The following CCDC191 variants were observed in gnomAD, a reference collection of about 807,000 sequenced individuals.
The protein encoded by CCDC191 is coiled-coil domain containing 191.
Under a neutral mutation model 114.0 loss-of-function variants are expected in CCDC191, and 99 were observed. The observed-to-expected ratio is 0.87, with a 90% CI of 0.74 to 1.03. The LOEUF (loss-of-function observed/expected upper bound fraction) is 1.03, where lower values mean the gene tolerates loss of function less well. CCDC191 is among the 50% of genes least tolerant of loss of function. The pLI is 0.00. For synonymous variants in CCDC191, 351 were observed against 376.0 expected (o/e 0.93, Z 0.77); for missense variants, 973 against 1,087.0 (o/e 0.90, Z 1.47).
chr3:114,012,894 TA>T (rs1357857253), intron 8 of CCDC191, among the ~76,000 whole-genome samples: 1 of 151,348 alleles, frequency 6.6e-6, no homozygotes, highest in Admixed American at 6.6e-5. Flanking sequence ...AGAAAATGAG[TA>T]AAAAAATGCA....
rs1251346618 is a variant in CCDC191, at chr3:114,001,775, A to G, written c.2062-79T>C. On this transcript the variant is annotated intron_variant, in intron 12 of 16. Coordinates refer to ENST00000295878, the MANE Select transcript of CCDC191 (RefSeq NM_020817.2). ...TGATCTTTTATGTTTAGGATAGTCA[A>G]GCGTCTACCAAAGTGCCTGTCCTAT... 7.0e-6 allele frequency: 11 copies of G among 1,569,466 alleles called. No individual in the cohort carries two copies. The East Asian group carries it at 1.8e-4, about 26-fold the overall frequency.
chr3:113,980,604 G>A (rs1192240966), intron 14 of CCDC191, 46 bp downstream of exon 14: 1 of 1,512,650 alleles, frequency 6.6e-7, no homozygotes, highest in Admixed American at 2.6e-5. Flanking sequence ...ATCCTATTTG[G>A]AAAAGTCCAT....
Position 114,006,619 on chromosome 3 carries a change from A to AAAAAT in CCDC191, c.1414-658_1414-657insATTTT, listed in dbSNP as rs1160832038. The stretch of plus-strand genomic sequence containing the variant: ...ATATATATATATATATATATATATA[A>AAAAAT]ATATATATATTTTATATATAAAAAA... On this transcript the variant is annotated intron_variant, in intron 9 of 16. Coordinates refer to ENST00000295878, the MANE Select transcript of CCDC191 (RefSeq NM_020817.2). 1.3e-4 allele frequency among the ~76,000 whole-genome samples: 12 copies of AAAAAT among 92,522 alleles called. 1 individual carries two copies. Among genetic ancestry groups the AAAAAT allele is most frequent in the African/African-American group, 5.0e-4 (12 of 23,918 alleles). 60.7% of individuals were successfully genotyped at this position (92,522 alleles called of 152,430 possible). A position where few individuals can be genotyped will look rare whatever the true frequency, so the allele number is the denominator to read the frequency against.
At chr3:113,994,315 A>G (rs751140163) in intron 13 of CCDC191, among the ~76,000 whole-genome samples, 3 of 152,200 alleles carry the variant, frequency 2.0e-5, no homozygotes, top group Non-Finnish European at 4.4e-5. Context: ...GTTGTTAGGG[A>G]AACGCAAATA....
At chr3:114,012,467 A>T (rs1459583660) in intron 8 of CCDC191, among the ~76,000 whole-genome samples, 1 of 152,230 alleles carries the variant, frequency 6.6e-6, no homozygotes, top group Admixed American at 6.5e-5. Context: ...ATAAACATTT[A>T]TGTATGTTTT....
At chr3:114,020,335 G>T (rs548357431) in intron 7 of CCDC191, among the ~76,000 whole-genome samples, 100 of 152,176 alleles carry the variant, frequency 6.6e-4, no homozygotes, top group South Asian at 1.0e-3. Flanking sequence ...TGTCTATTTG[G>T]CCAGAAATGT....
At chr3:114,040,291 C>G (rs2076543197) in intron 4 of CCDC191, among the ~76,000 whole-genome samples, 1 of 152,164 alleles carries the variant, frequency 6.6e-6, no homozygotes. Flanking sequence ...CACACAATGA[C>G]AAAATCACCT....
At chr3:114,056,222 T>G (rs1397882435) in intron 1 of CCDC191, among the ~76,000 whole-genome samples, 155 bp downstream of exon 1, 2 of 152,050 alleles carry the variant, frequency 1.3e-5, no homozygotes, top group Non-Finnish European at 2.9e-5. Flanking sequence ...CCTAGAGCAT[T>G]TCACTCAGGG....
intron 2 of CCDC191, among the ~76,000 whole-genome samples, chr3:114,047,770 T>A (rs551809100): frequency 2.0e-5 from 3 of 150,562 alleles, no homozygotes; most frequent in African/African-American, 7.4e-5. Context: ...AGGTCGGGAG[T>A]TCAAGACCAG....
chr3:114,018,323 A>ATATTTTATTTTATTT (rs143204325), intron 8 of CCDC191, among the ~76,000 whole-genome samples: 1 of 150,886 alleles, frequency 6.6e-6, no homozygotes, highest in Non-Finnish European at 1.5e-5. Context: ...TGTACAATGT[A>ATATTTTATTTTATTT]TATTTTATTT....
intron 16 of CCDC191, among the ~76,000 whole-genome samples, chr3:113,967,010 A>G (rs1559862713): frequency 6.6e-6 from 1 of 152,168 alleles, no homozygotes. Context: ...GAGGCACGAG[A>G]ATCACTTGAA....
rs549454864 is a variant in CCDC191, at chr3:114,031,736, T to C, written c.862A>G (p.Lys288Glu). The C allele has an allele frequency of 1.3e-6, 2 of 1,522,800 alleles. No individual in the cohort carries two copies. Among genetic ancestry groups the C allele is most frequent in the South Asian group, 2.3e-5 (2 of 88,632 alleles). 94.3% of individuals were successfully genotyped at this position (1,522,800 alleles called of 1,614,324 possible). The change falls in exon 7 of 17, where the codon AAA becomes GAA. Residue 288 changes from lysine (K) to glutamate (E), a missense_variant. Physicochemically the swap from Lys to Glu is moderately conservative, Grantham distance 56. Transcript: ENST00000295878. Reference protein sequence around the residue: ...QEENSQNSSEKVMFQSTHILP... With the variant: ...QEENSQNSSEEVMFQSTHILP... Reference sequence around the variant, plus strand: ...ATGTGAGTACTTTGAAACATGACTTTTTCTGAACTATTTTGAGAATTCTCT... The same window carrying C: ...ATGTGAGTACTTTGAAACATGACTTCTTCTGAACTATTTTGAGAATTCTCT...
chr3:113,986,991 A>T (rs1336120921), intron 13 of CCDC191, among the ~76,000 whole-genome samples: 1 of 152,208 alleles, frequency 6.6e-6, no homozygotes, highest in African/African-American at 2.4e-5. Context: ...TTATCCACCT[A>T]GTCTGTGACA....
chr3:114,024,594 G>T (rs555689693), intron 7 of CCDC191, among the ~76,000 whole-genome samples: 5 of 152,024 alleles, frequency 3.3e-5, no homozygotes, highest in Admixed American at 1.3e-4. Context: ...GCAAACTATC[G>T]CAAGGACAAA....
intron 4 of CCDC191, chr3:114,037,058 C>T: frequency 5.2e-6 from 1 of 192,676 alleles, no homozygotes; most frequent in Non-Finnish European, 1.0e-5. Context: ...TCTAAACAAC[C>T]TTGAGAACTT....
At chr3:114,007,938 C>G (rs1272323963) in intron 9 of CCDC191, among the ~76,000 whole-genome samples, 1 of 151,042 alleles carries the variant, frequency 6.6e-6, no homozygotes, top group African/African-American at 2.4e-5. Context: ...ATCATTTGCT[C>G]CATTTTTAAC....
At position 114,036,956 on chromosome 3, in the gene CCDC191, T is replaced by C. The variant is rs3821675; in HGVS notation, c.416-170A>G. 1.5e-3 allele frequency: 525 copies of C among 351,238 alleles called. 7 individuals are homozygous for C. The East Asian group carries it at 0.017, about 11-fold the overall frequency. The allele number at this position is 351,238 out of a possible 1,614,324, so 21.8% of individuals were successfully genotyped here. On this transcript the variant is annotated intron_variant, in intron 4 of 16. Transcript: ENST00000295878. ...TTGAGTATAGCCCTCAGCAGTTACC[T>C]TCAACTAAGAATAAAAAAGCTCCAC...
chr3:113,964,586 G>A lies in CCDC191; in HGVS notation c.*569C>T, dbSNP rs1412593129. 1 of 152,222 alleles carries A rather than the reference G, an allele frequency of 6.6e-6. No individual in the cohort carries two copies. Among genetic ancestry groups the A allele is most frequent in the African/African-American group, 2.4e-5 (1 of 41,440 alleles). The allele number at this position is 152,222 out of a possible 1,614,324, so 9.4% of individuals were successfully genotyped here. On this transcript the variant is annotated 3_prime_UTR_variant, in exon 17 of 17. Coordinates refer to ENST00000295878, the MANE Select transcript of CCDC191 (RefSeq NM_020817.2). ...AGGTGCACGGAAGAGAAGCATCTCT[G>A]GTGCCTCAGTTTCTCTGAAATCAGG...
rs375343047 is a variant in CCDC191, at chr3:113,968,493, G to A, written c.2607-3134C>T. Among the ~76,000 whole-genome samples the A allele has an allele frequency of 2.4e-4, 37 of 151,902 alleles. No homozygotes were observed. In the East Asian group the frequency reaches 5.2e-3, roughly 21 times the overall value. The stretch of plus-strand genomic sequence containing the variant: ...TTTTAGGGCGTCACTCTGTCGCCCA[G>A]GCTGGACTGTAGCAGTGTGATGTTG... On this transcript the variant is annotated intron_variant, in intron 16 of 16. Coordinates refer to ENST00000295878, the MANE Select transcript of CCDC191 (RefSeq NM_020817.2).
Sources: gnomAD v4.1 joint callset for allele counts (sites outside exome capture counted in the v4.1 genomes callset) on GRCh38, gnomAD v4.1.1 for gene constraint, MANE v1.5 for transcripts, NCBI Gene and HGNC (gene_info 2026-07-23, HGNC 2026-07-21) for gene names.